The following VAV2 variants were observed in gnomAD, a reference collection of about 807,000 sequenced individuals.
The protein encoded by VAV2 is vav guanine nucleotide exchange factor 2, also known as guanine nucleotide exchange factor VAV2.
In VAV2, 67 loss-of-function variants were observed where a neutral mutation model predicts 132.5. The observed-to-expected ratio is 0.51, with a 90% CI of 0.42 to 0.62. VAV2 has a LOEUF of 0.62. Among genes scored for constraint, VAV2 ranks in the 20% least tolerant of loss-of-function variants. VAV2 has a pLI of 0.00. For synonymous variants in VAV2, 492 were observed against 443.5 expected, an observed-to-expected ratio of 1.11 and a Z score of -1.37; for missense variants, 938 against 1,153.6, an observed-to-expected ratio of 0.81 and a Z score of 2.71.
At chr9:133,989,582 G>A (rs1332380350) in intron 1 of VAV2, among the ~76,000 whole-genome samples, 8 of 150,982 alleles carry the variant, frequency 5.3e-5, no homozygotes, top group Non-Finnish European at 1.0e-4. Flanking sequence ...CTACTCAGGA[G>A]GCTGAGGCAG....
intron 1 of VAV2, among the ~76,000 whole-genome samples, chr9:133,959,864 C>T (rs945957989): frequency 1.3e-5 from 2 of 152,136 alleles, no homozygotes; most frequent in Non-Finnish European, 2.9e-5. Flanking sequence ...GGCAGGGGGA[C>T]CCTCCCCTAG....
intron 12 of VAV2, among the ~76,000 whole-genome samples, 158 bp from the exon 13 acceptor site, chr9:133,792,027 G>T (rs1276024833): frequency 2.0e-5 from 3 of 149,706 alleles, no homozygotes; most frequent in Non-Finnish European, 3.0e-5. Context: ...TGCTGGGTGG[G>T]GTGTGTGTGT....
chr9:133,791,972 G>T, intron 12 of VAV2, 103 bp from the exon 13 acceptor site: 6 of 248,968 alleles, frequency 2.4e-5, no homozygotes, highest in Non-Finnish European at 3.8e-5. Flanking sequence ...GCATGTGAGC[G>T]GGCTGTGCTG....
chr9:133,792,947 G>A (rs1490532407), intron 12 of VAV2, among the ~76,000 whole-genome samples: 1 of 152,116 alleles, frequency 6.6e-6, no homozygotes, highest in African/African-American at 2.4e-5. Context: ...ATAGAGGGAA[G>A]CAGCCCTGTG....
intron 1 of VAV2, among the ~76,000 whole-genome samples, chr9:133,987,726 C>T (rs2132312474): frequency 6.6e-6 from 1 of 152,350 alleles, no homozygotes; most frequent in Admixed American, 6.5e-5. Flanking sequence ...CTGATGCTGG[C>T]ACAGGCAACC....
In VAV2 at chr9:133,899,043, G is replaced by A. The variant is rs540283552; in HGVS notation, c.322-37611C>T. 7.9e-5 allele frequency among the ~76,000 whole-genome samples: 12 copies of A among 151,884 alleles called. No homozygotes were observed. In the East Asian group the frequency reaches 2.2e-3, roughly 27 times the overall value. ...TCACCACGTTAGCCAGGATGGTCTC[G>A]ATCTCCTGACCTCGTGATCCGCCCG... On this transcript the variant is annotated intron_variant, in intron 2 of 29. Coordinates refer to ENST00000371850, the MANE Select transcript of VAV2 (RefSeq NM_001134398.2).
In VAV2 at chr9:133,939,319, C is replaced by A. The variant is rs1250196982; in HGVS notation, c.205-100G>T. The stretch of plus-strand genomic sequence containing the variant: ...ACAGCAGCAAGCTCTGGCTTCCGTG[C>A]GCCAGCACATCCAAGCTCATTCCTG... On this transcript the variant is annotated intron_variant, in intron 1 of 29. Transcript: ENST00000371850. The A allele has an allele frequency of 8.7e-6, 9 of 1,036,676 alleles. No individual in the cohort carries two copies. The East Asian group carries it at 1.2e-4, about 14-fold the overall frequency. The allele number at this position is 1,036,676 out of a possible 1,614,324, so 64.2% of individuals were successfully genotyped here.
At chr9:133,814,810 C>G (rs1374194718) in intron 4 of VAV2, among the ~76,000 whole-genome samples, 1 of 152,124 alleles carries the variant, frequency 6.6e-6, no homozygotes, top group Admixed American at 6.5e-5. Flanking sequence ...CAACGTCTTT[C>G]CTCTCCCCCA....
At chr9:133,872,904 G>T (rs981751289) in intron 2 of VAV2, among the ~76,000 whole-genome samples, 1 of 152,166 alleles carries the variant, frequency 6.6e-6, no homozygotes, top group Non-Finnish European at 1.5e-5. Context: ...CTTGAAGCTA[G>T]AAGTTCTAGA....
chr9:133,907,154 GGAGATGGCTGCCGGTGCCAGCCCAC>G (rs1839687970), intron 2 of VAV2, among the ~76,000 whole-genome samples: 1 of 152,234 alleles, frequency 6.6e-6, no homozygotes, highest in Non-Finnish European at 1.5e-5. Context: ...GTGACGACAG[GGAGATGGCTGCCGGTGCCAGCCCAC>G]GCTGGGCACA....
At chr9:133,976,604 T>C (rs1417180519) in intron 1 of VAV2, among the ~76,000 whole-genome samples, 1 of 152,186 alleles carries the variant, frequency 6.6e-6, no homozygotes, top group Non-Finnish European at 1.5e-5. Context: ...GTGGAACTTT[T>C]TCATGCCTGG....
chr9:133,902,132 A>G (rs1038361777), intron 2 of VAV2, among the ~76,000 whole-genome samples: 4 of 151,674 alleles, frequency 2.6e-5, no homozygotes, highest in Admixed American at 6.6e-5. Context: ...GGAAGACCCA[A>G]TTTAAGGCCA....
At chr9:133,948,840 G>T (rs1182131181) in intron 1 of VAV2, among the ~76,000 whole-genome samples, 1 of 152,240 alleles carries the variant, frequency 6.6e-6, no homozygotes, top group Non-Finnish European at 1.5e-5. Flanking sequence ...GTCTACAGGT[G>T]GAGAAACGGC....
chr9:133,802,030 A>C lies in VAV2; in HGVS notation c.836+4051T>G, dbSNP rs10993805. On this transcript the variant is annotated intron_variant, in intron 9 of 29. Coordinates refer to ENST00000371850, the MANE Select transcript of VAV2 (RefSeq NM_001134398.2). The surrounding 1 kb of genome is among the most constrained non-coding windows in gnomAD (Gnocchi z 5.8). ...CCAGGTCACTCACACAGACGCCTTC[A>C]CCCTCCGTCCACACCACAGGACTCT... Among the ~76,000 whole-genome samples, 14,357 of 151,668 alleles carry C rather than the reference A, an allele frequency of 0.095. 856 individuals are homozygous for C. Among genetic ancestry groups the C allele is most frequent in the South Asian group, 0.15 (726 of 4,796 alleles).
Position 133,919,116 on chromosome 9 carries a change from T to A in VAV2, c.321+19987A>T, listed in dbSNP as rs987800568. The stretch of plus-strand genomic sequence containing the variant: ...ACTTCCCCACATCCCATCCTCACAC[T>A]TTCTTCACTGACCTAGCTCCGCCCT... On this transcript the variant is annotated intron_variant, in intron 2 of 29. Coordinates refer to ENST00000371850, the MANE Select transcript of VAV2 (RefSeq NM_001134398.2). This position sits in a 1 kb window ranked among gnomAD's most constrained non-coding sequence, Gnocchi z 5.8. Among the ~76,000 whole-genome samples the A allele has an allele frequency of 6.6e-6, 1 of 152,170 alleles. No individual in the cohort carries two copies. The highest frequency in any genetic ancestry group is 2.1e-4 in the South Asian group (1 of 4,828).
chr9:133,957,061 C>T lies in VAV2; in HGVS notation c.205-17842G>A, dbSNP rs1463544459. ...CCGGGGTACCCAGGACTCTCTCCAA[C>T]GCCACCAGTGTCTCTCTGGTTCCTC... is the stretch of plus-strand genomic sequence containing the variant. On this transcript the variant is annotated intron_variant, in intron 1 of 29. Transcript: ENST00000371850. Among the ~76,000 whole-genome samples, 3 of 152,290 alleles carry T rather than the reference C, an allele frequency of 2.0e-5. No homozygotes were observed. In the East Asian group the frequency reaches 5.8e-4, roughly 29 times the overall value.
intron 1 of VAV2, among the ~76,000 whole-genome samples, chr9:133,966,958 C>T (rs139729151): frequency 2.0e-5 from 3 of 149,368 alleles, no homozygotes; most frequent in African/African-American, 7.4e-5. Flanking sequence ...TTGCTTGAAC[C>T]CAGGAGGCAG....
At chr9:133,977,541 G>C (rs1842554014) in intron 1 of VAV2, among the ~76,000 whole-genome samples, 1 of 152,212 alleles carries the variant, frequency 6.6e-6, no homozygotes, top group Non-Finnish European at 1.5e-5. Context: ...TGGCCCTGGG[G>C]CCAGTCACCC....
chr9:133,910,900 C>T (rs1299096194), intron 2 of VAV2, among the ~76,000 whole-genome samples: 2 of 151,690 alleles, frequency 1.3e-5, no homozygotes, highest in African/African-American at 2.4e-5. Flanking sequence ...GGTACAGAGG[C>T]GGGCACGGGA....
Sources: gnomAD v4.1 joint callset for allele counts (sites outside exome capture counted in the v4.1 genomes callset) on GRCh38, gnomAD v4.1.1 for gene constraint, Gnocchi (gnomAD v3.1) non-coding constraint, MANE v1.5 for transcripts, NCBI Gene and HGNC (gene_info 2026-07-23, HGNC 2026-07-21) for gene names.